Variants in THNSL1 observed in about 807,000 individuals in gnomAD.
THNSL1 encodes the protein threonine synthase-like 1.
A neutral mutation model predicts 50.4 loss-of-function variants in THNSL1; 48 were observed. The ratio of observed to expected loss-of-function variants is 0.95; its 90% CI spans 0.76 to 1.21. The LOEUF is 1.21. THNSL1 is among the 50% of genes most tolerant of loss of function. The pLI is 0.00. For synonymous variants in THNSL1, 309 were observed against 306.1 expected (o/e 1.01, Z -0.10); for missense variants, 896 against 871.7 (o/e 1.03, Z -0.35).
chr10:24,954,544 C>A, the THNSL1 span, among the ~76,000 whole-genome samples: 1 of 152,070 alleles, frequency 6.6e-6, no homozygotes, highest in Non-Finnish European at 1.5e-5. Context: ...GTAGATAAAT[C>A]TTCTTCCCTT....
At chr10:25,022,279 T>G (rs1850736646) in intron 2 of THNSL1, among the ~76,000 whole-genome samples, 1 of 152,128 alleles carries the variant, frequency 6.6e-6, no homozygotes, top group African/African-American at 2.4e-5. Flanking sequence ...CCAGAATAAT[T>G]GTTGTCTCTC....
the THNSL1 span, chr10:24,999,250 C>A: frequency 9.3e-6 from 7 of 750,050 alleles, no homozygotes; most frequent in African/African-American, 1.2e-4. Flanking sequence ...CTACCCAATT[C>A]TCTACTTCCA....
At chr10:25,009,933 T>C in the THNSL1 span, among the ~76,000 whole-genome samples, 2 of 152,196 alleles carry the variant, frequency 1.3e-5, no homozygotes, top group East Asian at 3.8e-4. Flanking sequence ...TACCTACTCT[T>C]GGGTATGTAC....
At chr10:24,990,297 T>C in the THNSL1 span, among the ~76,000 whole-genome samples, 1 of 152,230 alleles carries the variant, frequency 6.6e-6, no homozygotes, top group African/African-American at 2.4e-5. Flanking sequence ...CTTTTTGCTC[T>C]CTCCAAAGAG....
chr10:24,969,580 G>A, the THNSL1 span, among the ~76,000 whole-genome samples: 2 of 152,116 alleles, frequency 1.3e-5, no homozygotes, highest in Non-Finnish European at 2.9e-5. Flanking sequence ...CAGTGAATTT[G>A]AAGAAAAAAG....
At position 25,025,495 on chromosome 10, in the gene THNSL1, G is replaced by A. The variant is rs1244618106; in HGVS notation, c.*40G>A. 1 of 1,541,178 alleles carries A rather than the reference G, an allele frequency of 6.5e-7. No homozygotes were observed. Among genetic ancestry groups the A allele is most frequent in the Admixed American group, 2.0e-5 (1 of 48,788 alleles). ...AATTTTTTTTTCTAGCTATAAGCAT[G>A]CAATAATAAATCTCAAACACTGATT... On this transcript the variant is annotated 3_prime_UTR_variant, in exon 3 of 3. Transcript: ENST00000376356.
the THNSL1 span, among the ~76,000 whole-genome samples, chr10:24,967,986 A>ATG: frequency 2.5e-3 from 342 of 136,570 alleles, 3 homozygotes; most frequent in African/African-American, 8.8e-3. Flanking sequence ...GTGTGTATAT[A>ATG]TGTGTATGAT....
chr10:25,017,845 A>G (rs1588670215), intron 1 of THNSL1, among the ~76,000 whole-genome samples: 2 of 152,140 alleles, frequency 1.3e-5, no homozygotes, highest in Admixed American at 6.5e-5. Context: ...TAGAGAAAAA[A>G]TTTGGCGGGA....
chr10:24,979,328 T>C, the THNSL1 span, among the ~76,000 whole-genome samples: 783 of 152,268 alleles, frequency 5.1e-3, 7 homozygotes, highest in African/African-American at 0.018. Flanking sequence ...GAGAAAAGGA[T>C]TCAATGGAAG....
the THNSL1 span, among the ~76,000 whole-genome samples, chr10:24,966,696 AT>A: frequency 6.6e-5 from 10 of 152,276 alleles, no homozygotes; most frequent in African/African-American, 2.4e-4. Flanking sequence ...ATATTCCTTT[AT>A]TTATGGGCAT....
the THNSL1 span, chr10:24,952,753 T>C: frequency 1.6e-6 from 1 of 610,582 alleles, no homozygotes. The surrounding 1 kb of genome is among the most constrained non-coding windows in gnomAD (Gnocchi z 5.1). Context: ...CGCGGATCCA[T>C]GGCCCCGGCG....
At chr10:24,967,724 A>G in the THNSL1 span, among the ~76,000 whole-genome samples, 1 of 149,754 alleles carries the variant, frequency 6.7e-6, no homozygotes, top group African/African-American at 2.5e-5. Flanking sequence ...CGTGTGTGAT[A>G]TGTGTGTATG....
chr10:24,982,685 T>A, the THNSL1 span: 2 of 152,196 alleles, frequency 1.3e-5, no homozygotes, highest in Non-Finnish European at 2.9e-5. Context: ...TGGGGGAGGT[T>A]GAACTGGCTC....
rs1452450379 is a variant in THNSL1 at position 25,023,899 on chromosome 10, G to A, written c.676G>A (p.Val226Met). The change falls in exon 3 of 3, where the codon GTG becomes ATG. Residue 226 changes from valine to methionine, a missense_variant. Val to Met is a conservative substitution (Grantham distance 21, BLOSUM62 1). Coordinates refer to ENST00000376356, the MANE Select transcript of THNSL1 (RefSeq NM_024838.5). ...VLNAIKRYQD[V>M]DSETFISTRH... ...GAATGCAATTAAAAGATACCAAGAT[G>A]TGGACTCGGAAACATTCATTTCAAC... 6.2e-7 allele frequency: 1 copy of A among 1,614,200 alleles called. No individual in the cohort carries two copies. The highest frequency in any genetic ancestry group is 1.1e-5 in the South Asian group (1 of 91,074).
the THNSL1 span, among the ~76,000 whole-genome samples, chr10:25,000,589 G>A: frequency 1.3e-5 from 2 of 151,964 alleles, no homozygotes; most frequent in African/African-American, 4.8e-5. Flanking sequence ...TTAAAATTCT[G>A]TGCTCTAGAA....
At chr10:24,992,929 A>G in the THNSL1 span, among the ~76,000 whole-genome samples, 1 of 152,202 alleles carries the variant, frequency 6.6e-6, no homozygotes, top group Non-Finnish European at 1.5e-5. Flanking sequence ...GCTTAGTACA[A>G]TAATGGAGCT....
At chr10:24,978,003 A>G in the THNSL1 span, among the ~76,000 whole-genome samples, 1 of 152,122 alleles carries the variant, frequency 6.6e-6, no homozygotes, top group Non-Finnish European at 1.5e-5. Context: ...AAAATATACT[A>G]CCCATCTATT....
At chr10:24,998,462 A>G in the THNSL1 span, among the ~76,000 whole-genome samples, 1 of 150,526 alleles carries the variant, frequency 6.6e-6, no homozygotes, top group African/African-American at 2.5e-5. Flanking sequence ...GCAGTTTCGA[A>G]CTCTTGGGCT....
chr10:24,953,877 G>A, the THNSL1 span, among the ~76,000 whole-genome samples: 1 of 152,168 alleles, frequency 6.6e-6, no homozygotes, highest in African/African-American at 2.4e-5. Flanking sequence ...TGCTCAGCAG[G>A]GCTGGCTCTT....
Sources: allele counts gnomAD v4.1 joint callset (sites outside exome capture counted in the v4.1 genomes callset), GRCh38; gene constraint gnomAD v4.1.1; non-coding constraint Gnocchi (gnomAD v3.1); transcripts MANE v1.5; gene names NCBI Gene and HGNC (gene_info 2026-07-23, HGNC 2026-07-21).